Variants in ZBTB46 observed in about 807,000 individuals in gnomAD.
The protein encoded by ZBTB46 is zinc finger and BTB domain containing 46.
ZBTB46 carries 8 observed loss-of-function variants against 44.1 expected under a neutral mutation model. That is an observed-to-expected ratio of 0.18 (90% CI 0.11 to 0.33). ZBTB46 has a LOEUF of 0.33. Among genes scored for constraint, ZBTB46 ranks in the 10% least tolerant of loss-of-function variants. ZBTB46 has a pLI of 1.00. For synonymous variants in ZBTB46, 409 were observed against 382.3 expected (o/e 1.07, Z -0.81); for missense variants, 651 against 847.7 (o/e 0.77, Z 2.88).
At chr20:63,759,774 CT>C (rs34922936) in intron 3 of ZBTB46, among the ~76,000 whole-genome samples, 10 of 149,788 alleles carry the variant, frequency 6.7e-5, no homozygotes, top group African/African-American at 1.5e-4. Flanking sequence ...AAAAGGTTAA[CT>C]TTTTTTTTTG....
intron 1 of ZBTB46, among the ~76,000 whole-genome samples, chr20:63,800,879 G>A (rs2092639113): frequency 6.6e-6 from 1 of 152,218 alleles, no homozygotes; most frequent in African/African-American, 2.4e-5. Context: ...GCTCTACCGC[G>A]CTGGGTCCCA....
chr20:63,757,187 G>A (rs1601401214), intron 3 of ZBTB46, among the ~76,000 whole-genome samples: 1 of 152,132 alleles, frequency 6.6e-6, no homozygotes, highest in South Asian at 2.1e-4. Flanking sequence ...GCAGTGGTGC[G>A]ATCTCAACTC....
At position 63,770,210 on chromosome 20, in the gene ZBTB46, C is replaced by T. The variant is rs574810438; in HGVS notation, c.1222+5468G>A. Among the ~76,000 whole-genome samples the T allele has an allele frequency of 2.4e-4, 36 of 152,322 alleles. No individual in the cohort carries two copies. In the South Asian group the frequency reaches 6.4e-3, roughly 27 times the overall value. On this transcript the variant is annotated intron_variant, in intron 3 of 4. Transcript: ENST00000245663. Reference sequence around the variant, plus strand: ...CTTGTCAGTGTGAAGTTGGCTTCCTCGTGCTGTTTGGAGACACGAAGGCAG... The same window carrying T: ...CTTGTCAGTGTGAAGTTGGCTTCCTTGTGCTGTTTGGAGACACGAAGGCAG...
intron 3 of ZBTB46, among the ~76,000 whole-genome samples, chr20:63,769,097 G>A (rs1476214247): frequency 6.6e-6 from 1 of 152,224 alleles, no homozygotes; most frequent in African/African-American, 2.4e-5. Context: ...TGGGAGAGGA[G>A]GGCACATGGA....
chr20:63,769,404 G>T (rs1240463151), intron 3 of ZBTB46: 6 of 985,312 alleles, frequency 6.1e-6, no homozygotes, highest in Non-Finnish European at 4.8e-6. Flanking sequence ...AGGAAAGGAG[G>T]AGTCTCACCC....
intron 3 of ZBTB46, among the ~76,000 whole-genome samples, chr20:63,761,781 CAAA>C (rs35095876): frequency 3.9e-5 from 5 of 126,584 alleles, no homozygotes; most frequent in Non-Finnish European, 6.6e-5. Flanking sequence ...GACTCTGCCT[CAAA>C]AAAAAAAAAA....
At chr20:63,792,479 C>T (rs1461541233) in intron 1 of ZBTB46, among the ~76,000 whole-genome samples, 8 of 152,198 alleles carry the variant, frequency 5.3e-5, no homozygotes, top group South Asian at 4.2e-4. Context: ...CGACTGGTTA[C>T]GACATACACA....
At chr20:63,768,677 C>T (rs2092341065) in intron 3 of ZBTB46, among the ~76,000 whole-genome samples, 1 of 152,026 alleles carries the variant, frequency 6.6e-6, no homozygotes, top group African/African-American at 2.4e-5. Context: ...GTACACACCC[C>T]ATGGCCCTTT....
chr20:63,799,073 C>T (rs1475904342), intron 1 of ZBTB46, among the ~76,000 whole-genome samples: 1 of 151,890 alleles, frequency 6.6e-6, no homozygotes, highest in African/African-American at 2.4e-5. Context: ...CTCAGTCACC[C>T]AGGCTGGAGT....
chr20:63,812,784 AAAAACAAAAC>A (rs1204856235), intron 1 of ZBTB46, among the ~76,000 whole-genome samples: 1 of 151,900 alleles, frequency 6.6e-6, no homozygotes, highest in African/African-American at 2.4e-5. Flanking sequence ...TCTCAAAACA[AAAAACAAAAC>A]AAAACAAAAC....
At chr20:63,774,422 T>A (rs2145857312) in intron 3 of ZBTB46, among the ~76,000 whole-genome samples, 1 of 152,348 alleles carries the variant, frequency 6.6e-6, no homozygotes, top group East Asian at 1.9e-4. Context: ...CAAGGACAGC[T>A]GGCACGTTTC....
chr20:63,784,181 C>G (rs555504270), intron 2 of ZBTB46, among the ~76,000 whole-genome samples: 1 of 152,346 alleles, frequency 6.6e-6, no homozygotes, highest in Non-Finnish European at 1.5e-5. Flanking sequence ...GCAAAGAGCT[C>G]TGGGGGCGGT....
upstream of ZBTB46, among the ~76,000 whole-genome samples, chr20:63,833,159 G>A (rs749836607): frequency 6.6e-6 from 1 of 152,356 alleles, no homozygotes; most frequent in South Asian, 2.1e-4. Context: ...CAGGGATGGA[G>A]AGCAGCAGCA....
intron 1 of ZBTB46, among the ~76,000 whole-genome samples, chr20:63,797,396 C>A (rs780314727): frequency 1.3e-4 from 20 of 151,712 alleles, no homozygotes; most frequent in Admixed American, 5.2e-4. Context: ...TTAATCTGGT[C>A]TATCATTGAT....
chr20:63,826,253 C>T (rs1470996436), intron 1 of ZBTB46, among the ~76,000 whole-genome samples: 4 of 152,220 alleles, frequency 2.6e-5, no homozygotes, highest in East Asian at 1.9e-4. Context: ...CAATGCTGCC[C>T]GACTTTCAGA....
At chr20:63,755,265 G>C (rs539158531) in intron 3 of ZBTB46, among the ~76,000 whole-genome samples, 146 of 152,342 alleles carry the variant, frequency 9.6e-4, no homozygotes, top group African/African-American at 3.3e-3. Flanking sequence ...GTGAGGCTCA[G>C]AACAGCCCGG....
At chr20:63,809,131 G>A (rs1490947720) in intron 1 of ZBTB46, among the ~76,000 whole-genome samples, 1 of 152,054 alleles carries the variant, frequency 6.6e-6, no homozygotes, top group African/African-American at 2.4e-5. Flanking sequence ...GTTCCCCTTC[G>A]CAGGGACCGC....
chr20:63,747,456 G>GT (rs1485547344), intron 4 of ZBTB46, among the ~76,000 whole-genome samples, 155 bp from the exon 5 acceptor site: 7 of 64,164 alleles, frequency 1.1e-4, no homozygotes, highest in Non-Finnish European at 1.9e-4. Context: ...CCTGGTGGAG[G>GT]TGGGGGGGGC....
chr20:63,819,549 TC>T (rs1357836204), intron 1 of ZBTB46, among the ~76,000 whole-genome samples: 1 of 152,008 alleles, frequency 6.6e-6, no homozygotes, highest in Non-Finnish European at 1.5e-5. Context: ...CCTCCTACCC[TC>T]CCTTCTCCCA....
Sources: allele counts gnomAD v4.1 joint callset (sites outside exome capture counted in the v4.1 genomes callset), GRCh38; gene constraint gnomAD v4.1.1; transcripts MANE v1.5; gene names NCBI Gene and HGNC (gene_info 2026-07-23, HGNC 2026-07-21).